CTNNA2: variants seen among roughly 807,000 people sequenced by gnomAD.
CTNNA2 encodes catenin alpha 2, also known as catenin alpha-2.
Under a neutral mutation model 101.0 loss-of-function variants are expected in CTNNA2, and 42 were observed. The observed-to-expected ratio is 0.42, with a 90% CI of 0.32 to 0.54. The LOEUF is 0.54. Among genes scored for constraint, CTNNA2 ranks in the 20% least tolerant of loss-of-function variants. The pLI, the probability that CTNNA2 is intolerant of heterozygous loss-of-function variation, is 0.14. For missense variants in CTNNA2, 871 were observed against 1,223.1 expected (o/e 0.71, Z 4.29); for synonymous variants, 450 against 456.4 (o/e 0.99, Z 0.18).
At chr2:80,574,446 CA>C (rs1162035109) in intron 13 of CTNNA2, 132 bp downstream of exon 13, 1 of 1,091,582 alleles carries the variant, frequency 9.2e-7, no homozygotes. Context: ...CCTTATTAGT[CA>C]GACAAGGTGA....
chr2:80,356,900 C>G (rs1383901624), intron 7 of CTNNA2, among the ~76,000 whole-genome samples: 3 of 152,136 alleles, frequency 2.0e-5, no homozygotes, highest in Non-Finnish European at 4.4e-5. Flanking sequence ...ATAAAATAAA[C>G]CAGGCAAGTG....
At chr2:79,993,987 T>C (rs2103914432) in intron 7 of CTNNA2, among the ~76,000 whole-genome samples, 1 of 152,298 alleles carries the variant, frequency 6.6e-6, no homozygotes, top group South Asian at 2.1e-4. Flanking sequence ...CACTGCAGCC[T>C]CAACCTCCTA....
chr2:79,995,344 T>C (rs1237500102), intron 7 of CTNNA2, among the ~76,000 whole-genome samples: 3 of 152,164 alleles, frequency 2.0e-5, no homozygotes. Flanking sequence ...TACTTGGGGC[T>C]TTTTTCTTTA....
intron 7 of CTNNA2, among the ~76,000 whole-genome samples, chr2:80,058,421 C>A (rs915300149): frequency 6.6e-6 from 1 of 152,104 alleles, no homozygotes; most frequent in Non-Finnish European, 1.5e-5. Flanking sequence ...TGATCAAGGG[C>A]CTTTTATAAA....
chr2:79,286,142 G>T (rs1020007183), intron 2 of CTNNA2, among the ~76,000 whole-genome samples: 2 of 152,070 alleles, frequency 1.3e-5, no homozygotes, highest in African/African-American at 4.8e-5. Context: ...TTGAGCCTGT[G>T]TGTGTCTCTG....
intron 2 of CTNNA2, among the ~76,000 whole-genome samples, chr2:79,259,024 G>A (rs540400633): frequency 1.3e-4 from 20 of 152,204 alleles, no homozygotes; most frequent in East Asian, 3.9e-4. Flanking sequence ...CTTATTGGCC[G>A]ATTAAGAGTT....
intron 12 of CTNNA2, among the ~76,000 whole-genome samples, chr2:80,570,077 C>G (rs140040967): frequency 0.034 from 5,241 of 152,234 alleles, 315 homozygotes; most frequent in African/African-American, 0.12. Flanking sequence ...GAGACGGAGT[C>G]TCGCTCTGTT....
At position 80,545,896 on chromosome 2, in the gene CTNNA2, C is replaced by G; in HGVS notation, c.1384-11C>G. ...TGGTCATCATGTCCCTGGATTGTTT[C>G]CAACAAATAGGTCATCAATGCCGCT... is the stretch of plus-strand genomic sequence containing the variant. On this transcript the variant is annotated splice_polypyrimidine_tract_variant and intron_variant, in intron 10 of 18. Coordinates refer to ENST00000402739, the MANE Select transcript of CTNNA2 (RefSeq NM_001282597.3). 1 of 1,612,684 alleles carries G rather than the reference C, an allele frequency of 6.2e-7. No homozygotes were observed. The highest frequency in any genetic ancestry group is 1.1e-5 in the South Asian group (1 of 90,880).
intron 7 of CTNNA2, among the ~76,000 whole-genome samples, chr2:80,086,552 G>C (rs1020531196): frequency 6.6e-6 from 1 of 151,964 alleles, no homozygotes; most frequent in Non-Finnish European, 1.5e-5. Flanking sequence ...TGGGCAAAAG[G>C]GCTCTGACTT....
chr2:80,552,410 C>T (rs1347399250), intron 11 of CTNNA2, among the ~76,000 whole-genome samples: 1 of 152,168 alleles, frequency 6.6e-6, no homozygotes, highest in Non-Finnish European at 1.5e-5. Flanking sequence ...AAGTACAAAT[C>T]TATTTGAAAA....
At chr2:80,609,466 C>A (rs1698285721) in intron 17 of CTNNA2, among the ~76,000 whole-genome samples, 1 of 151,656 alleles carries the variant, frequency 6.6e-6, no homozygotes, top group African/African-American at 2.4e-5. Context: ...TGCCTCTTCC[C>A]AAAGCACAGT....
chr2:80,470,523 C>G (rs867175050), intron 9 of CTNNA2, among the ~76,000 whole-genome samples: 4 of 152,140 alleles, frequency 2.6e-5, no homozygotes, highest in Non-Finnish European at 4.4e-5. Context: ...GTCCCCTACA[C>G]CCAGCTCTCC....
At chr2:79,212,758 G>A (rs1469374561) in intron 2 of CTNNA2, among the ~76,000 whole-genome samples, 3 of 152,124 alleles carry the variant, frequency 2.0e-5, no homozygotes, top group African/African-American at 7.2e-5. Flanking sequence ...TGTCTACCTA[G>A]ACTAAGAGGT....
At chr2:79,471,719 T>G (rs1260642818) in intron 4 of CTNNA2, among the ~76,000 whole-genome samples, 4 of 151,960 alleles carry the variant, frequency 2.6e-5, no homozygotes, top group African/African-American at 9.7e-5. Context: ...GTGCCTGTAG[T>G]CCCAGCTATT....
intron 1 of CTNNA2, among the ~76,000 whole-genome samples, chr2:79,189,974 G>A (rs887917574): frequency 1.3e-5 from 2 of 152,020 alleles, no homozygotes; most frequent in Admixed American, 1.3e-4. Flanking sequence ...TCAAGCTGAG[G>A]GGAAAATTAA....
intron 4 of CTNNA2, among the ~76,000 whole-genome samples, chr2:79,860,791 G>A (rs931690947): frequency 2.0e-5 from 3 of 151,952 alleles, no homozygotes; most frequent in Non-Finnish European, 4.4e-5. Context: ...ATGAACTATT[G>A]CCCCTACCCC....
At chr2:79,536,685 T>TC (rs1370762072) in intron 1 of CTNNA2, among the ~76,000 whole-genome samples, 34 of 130,456 alleles carry the variant, frequency 2.6e-4, no homozygotes, top group African/African-American at 7.0e-4. Flanking sequence ...CATGGATTTT[T>TC]TTTTTCTTTT....
chr2:80,460,466 G>A (rs1321872367), intron 9 of CTNNA2, among the ~76,000 whole-genome samples: 1 of 152,072 alleles, frequency 6.6e-6, no homozygotes, highest in East Asian at 1.9e-4. Context: ...ATGTGACATA[G>A]GCTTTAAGAA....
intron 7 of CTNNA2, among the ~76,000 whole-genome samples, chr2:80,078,717 T>TTTTTG (rs1292834338): frequency 3.3e-5 from 5 of 152,126 alleles, no homozygotes; most frequent in East Asian, 3.9e-4. Flanking sequence ...TGGTGCTGCT[T>TTTTTG]TTTTGTTTTG....
Sources: gnomAD v4.1 joint callset for allele counts (sites outside exome capture counted in the v4.1 genomes callset) on GRCh38, gnomAD v4.1.1 for gene constraint, MANE v1.5 for transcripts, NCBI Gene and HGNC (gene_info 2026-07-23, HGNC 2026-07-21) for gene names.